Variants in RIIAD1 observed in about 807,000 individuals in gnomAD.
The protein encoded by RIIAD1 is RIIa domain-containing protein 1.
RIIAD1 carries 15 observed loss-of-function variants against 13.3 expected under a neutral mutation model. The observed-to-expected ratio is 1.13, with a 90% CI of 0.76 to 1.74. The LOEUF (loss-of-function observed/expected upper bound fraction) is 1.74. Among genes scored for constraint, RIIAD1 ranks in the 40% most tolerant of loss-of-function variants. The probability of loss-of-function intolerance (pLI) is 0.00; values close to 1 mark genes in which losing one functional copy is unlikely to be tolerated. For synonymous variants in RIIAD1, 50 were observed against 43.3 expected, an observed-to-expected ratio of 1.16 and a Z score of -0.61; for missense variants, 121 against 112.2, an observed-to-expected ratio of 1.08 and a Z score of -0.35.
At chr1:151,725,288 T>C (rs1673808190) in intron 2 of RIIAD1, among the ~76,000 whole-genome samples, 1 of 151,596 alleles carries the variant, frequency 6.6e-6, no homozygotes, top group South Asian at 2.1e-4. Context: ...TTTTTTGTAT[T>C]TTTAGTAGAG....
intron 2 of RIIAD1, among the ~76,000 whole-genome samples, chr1:151,712,986 C>CA (rs919240961): frequency 7.9e-5 from 12 of 152,096 alleles, no homozygotes; most frequent in African/African-American, 2.9e-4. Flanking sequence ...ATGCAGGTAG[C>CA]AGGAGAAGAC....
intron 3 of RIIAD1, among the ~76,000 whole-genome samples, chr1:151,728,163 C>T (rs1673865511): frequency 6.6e-6 from 1 of 152,228 alleles, no homozygotes; most frequent in Non-Finnish European, 1.5e-5. Context: ...AGACCTCAAA[C>T]CATTGCTAAC....
rs536939696 is a variant in RIIAD1 at position 151,723,896 on chromosome 1, C to T, written c.161+1734C>T. ...TCAATATCAGACCTGAGGATCAGGC[C>T]GTCACCTTTTGCAACTTTTCTTCTA... On this transcript the variant is annotated intron_variant, in intron 2 of 4. Coordinates refer to ENST00000479191, the MANE Select transcript of RIIAD1 (RefSeq NM_001144956.3). Among the ~76,000 whole-genome samples the T allele has an allele frequency of 1.8e-4, 28 of 152,250 alleles. No homozygotes were observed. In the South Asian group the frequency reaches 4.8e-3, roughly 26 times the overall value.
intron 4 of RIIAD1, chr1:151,715,706 T>C: frequency 6.4e-7 from 1 of 1,551,570 alleles, no homozygotes; most frequent in Non-Finnish European, 8.7e-7. Flanking sequence ...CGGGGTTTCC[T>C]GATCACTCTA....
chr1:151,716,111 C>T (rs1045012570), intron 4 of RIIAD1: 24 of 1,380,600 alleles, frequency 1.7e-5, no homozygotes, highest in Admixed American at 2.7e-5. Flanking sequence ...TGGTGGGGCC[C>T]GGGGGCCCAG....
upstream of RIIAD1, chr1:151,719,630 C>A (rs1231609567): frequency 4.3e-6 from 3 of 702,804 alleles, no homozygotes; most frequent in Non-Finnish European, 5.2e-6. Flanking sequence ...TATGAGAGTG[C>A]ACAAAGAATT....
intron 2 of RIIAD1, among the ~76,000 whole-genome samples, chr1:151,713,285 C>A (rs532949616): frequency 6.6e-6 from 1 of 152,346 alleles, no homozygotes; most frequent in Admixed American, 6.5e-5. Flanking sequence ...TGCCTCTCCA[C>A]ACCCAGGATG....
At chr1:151,728,556 G>A (rs1259842126) in intron 3 of RIIAD1, 2 of 534,606 alleles carry the variant, frequency 3.7e-6, no homozygotes, top group African/African-American at 1.9e-5. Context: ...GCCCTTCCTG[G>A]GAATGTTGGA....
In RIIAD1 at chr1:151,712,654, G is replaced by A. The variant is rs12080698; in HGVS notation, c.-186+657G>A. Among the ~76,000 whole-genome samples the A allele has an allele frequency of 3.9e-5, 6 of 152,358 alleles. No individual in the cohort carries two copies. The South Asian group carries it at 8.3e-4, about 21-fold the overall frequency. On this transcript the variant is annotated intron_variant, in intron 2 of 8. Transcript: ENST00000326413. ...AGAGCCACTCCTGGGAACTCTTAGG[G>A]GAGAGAAAAGGAAATGGGGCTCAAC... is the stretch of plus-strand genomic sequence containing the variant.
At chr1:151,716,952 C>T, upstream of RIIAD1, 1 of 349,268 alleles carries the variant, frequency 2.9e-6, no homozygotes, top group Non-Finnish European at 6.1e-6. Context: ...TCCATCCTCC[C>T]TGACTCCCTT....
chr1:151,716,053 C>A, intron 4 of RIIAD1: 2 of 1,581,834 alleles, frequency 1.3e-6, no homozygotes, highest in South Asian at 1.2e-5. Flanking sequence ...CCGAGGGGAG[C>A]AGGGAGAGGC....
chr1:151,725,650 G>T (rs1479796956), intron 2 of RIIAD1, among the ~76,000 whole-genome samples: 2 of 152,014 alleles, frequency 1.3e-5, no homozygotes, highest in African/African-American at 4.8e-5. Flanking sequence ...ACTTCTACTA[G>T]CACGGATTTA....
upstream of RIIAD1, chr1:151,719,750 G>A: frequency 1.5e-6 from 1 of 650,004 alleles, no homozygotes; most frequent in Non-Finnish European, 2.8e-6. Flanking sequence ...AAAACAAAAA[G>A]TAGCCCCTCT....
At chr1:151,718,708 C>T (rs1047218735), upstream of RIIAD1, among the ~76,000 whole-genome samples, 1 of 152,144 alleles carries the variant, frequency 6.6e-6, no homozygotes, top group African/African-American at 2.4e-5. Context: ...GATGGGGTGG[C>T]AGTGGGGGGA....
chr1:151,715,522 GCACACA>G (rs141638568), intron 4 of RIIAD1: 2 of 804,052 alleles, frequency 2.5e-6, no homozygotes, highest in African/African-American at 1.8e-5. Flanking sequence ...TGCTGCACAC[GCACACA>G]CACACACACC....
rs2101516304 is a variant in RIIAD1 at position 151,727,598 on chromosome 1, A to T, written c.185A>T (p.Asp62Val). 1.3e-6 allele frequency: 2 copies of T among 1,550,582 alleles called. No homozygotes were observed. The highest frequency in any genetic ancestry group is 1.2e-5 in the South Asian group (1 of 84,036). Residue 62 changes from aspartate (D) to valine (V), a missense_variant, in exon 3 of 5, where the codon GAC becomes GTC. Physicochemically the swap from Asp to Val is radical, Grantham distance 152. Transcript: ENST00000479191. ...AGAGAAATATTTTTGAAAAGACCAG[A>T]CAACATCCTAGAATTTGCTGCAGGT... is the stretch of plus-strand genomic sequence containing the variant. ...FFREIFLKRP[D>V]NILEFAADYF...
chr1:151,720,764 A>C (rs1673722055), upstream of RIIAD1, among the ~76,000 whole-genome samples: 1 of 152,230 alleles, frequency 6.6e-6, no homozygotes, highest in Admixed American at 6.5e-5. Flanking sequence ...GTGTATTGAC[A>C]GACAGGCTCA....
chr1:151,728,605 C>A, intron 3 of RIIAD1, 161 bp from the exon 4 acceptor site: 1 of 609,552 alleles, frequency 1.6e-6, no homozygotes, highest in Non-Finnish European at 2.9e-6. Flanking sequence ...GGGCAGTGAC[C>A]GTTCATTTTA....
chr1:151,725,176 T>A (rs1673806344), intron 2 of RIIAD1, among the ~76,000 whole-genome samples: 1 of 129,794 alleles, frequency 7.7e-6, no homozygotes, highest in African/African-American at 2.9e-5. Flanking sequence ...AGTGGCGCAA[T>A]ATCGGCTCAC....
Sources: allele counts gnomAD v4.1 joint callset (sites outside exome capture counted in the v4.1 genomes callset), GRCh38; gene constraint gnomAD v4.1.1; transcripts MANE v1.5; gene names NCBI Gene and HGNC (gene_info 2026-07-23, HGNC 2026-07-21).